Variants in CLIC4 observed in about 807,000 individuals in gnomAD.
The protein encoded by CLIC4 is CLIC family member 4.
CLIC4 carries 13 observed loss-of-function variants against 24.6 expected under a neutral mutation model. The observed-to-expected ratio is 0.53, with a 90% CI of 0.34 to 0.84. CLIC4 has a LOEUF of 0.84. CLIC4 is among the 40% of genes least tolerant of loss of function. CLIC4 has a pLI of 0.01. For synonymous variants in CLIC4, 104 were observed against 111.3 expected (o/e 0.93, Z 0.41); for missense variants, 227 against 301.7 (o/e 0.75, Z 1.83).
intron 2 of CLIC4, among the ~76,000 whole-genome samples, chr1:24,800,541 G>A (rs1639475705): frequency 6.6e-6 from 1 of 152,116 alleles, no homozygotes; most frequent in South Asian, 2.1e-4. Flanking sequence ...CCCTCTGCCT[G>A]GCCACCACCC....
At chr1:24,840,382 A>G (rs1318278891) in intron 5 of CLIC4, among the ~76,000 whole-genome samples, 1 of 152,234 alleles carries the variant, frequency 6.6e-6, no homozygotes, top group Non-Finnish European at 1.5e-5. Context: ...AAAAGTATTG[A>G]GCATTTATTA....
intron 2 of CLIC4, among the ~76,000 whole-genome samples, chr1:24,807,328 C>T (rs1307667344): frequency 6.6e-6 from 1 of 150,930 alleles, no homozygotes; most frequent in Non-Finnish European, 1.5e-5. Context: ...TTTGGTGCTG[C>T]AAAAGAAATA....
intron 1 of CLIC4, among the ~76,000 whole-genome samples, chr1:24,749,493 A>G (rs980530017): frequency 4.6e-5 from 7 of 152,176 alleles, no homozygotes; most frequent in Admixed American, 2.0e-4. Context: ...CTCAAATAGT[A>G]TGACTGAACT....
intron 1 of CLIC4, among the ~76,000 whole-genome samples, chr1:24,762,870 A>G (rs1230785634): frequency 6.6e-6 from 1 of 152,184 alleles, no homozygotes; most frequent in African/African-American, 2.4e-5. Flanking sequence ...GGGGATACAT[A>G]TGAAGGGAAG....
intron 1 of CLIC4, among the ~76,000 whole-genome samples, chr1:24,776,505 C>T (rs933865802): frequency 6.6e-6 from 1 of 152,128 alleles, no homozygotes; most frequent in Non-Finnish European, 1.5e-5. Context: ...AAGACTCAAA[C>T]TTATTTTTTT....
Position 24,840,920 on chromosome 1 carries a change from A to G in CLIC4, c.745A>G (p.Lys249Glu). The G allele has an allele frequency of 6.3e-7, 1 of 1,589,164 alleles. No homozygotes were observed. Among genetic ancestry groups the G allele is most frequent in the Non-Finnish European group, 8.5e-7 (1 of 1,170,550 alleles). The change falls in exon 6 of 6, where the codon AAA becomes GAA. Residue 249 changes from lysine (K) to glutamate (E), a missense_variant. Coordinates refer to ENST00000374379, the MANE Select transcript of CLIC4 (RefSeq NM_013943.3). ...EVEIAYSDVA[K>E]RLTK ...TGAAATAGCATATAGTGATGTAGCC[A>G]AAAGACTCACCAAGTAAAATCGCGT...
chr1:24,789,186 G>T (rs1639305393), intron 1 of CLIC4, among the ~76,000 whole-genome samples: 1 of 152,186 alleles, frequency 6.6e-6, no homozygotes, highest in Non-Finnish European at 1.5e-5. Context: ...GGCATCCAGT[G>T]AAGCCTTCAG....
At chr1:24,829,414 T>C (rs556666535) in intron 4 of CLIC4, among the ~76,000 whole-genome samples, 2 of 152,298 alleles carry the variant, frequency 1.3e-5, no homozygotes, top group South Asian at 2.1e-4. Context: ...TATAATTCTT[T>C]TGATAACACG....
chr1:24,760,412 C>T (rs1335361693), intron 1 of CLIC4, among the ~76,000 whole-genome samples: 1 of 152,046 alleles, frequency 6.6e-6, no homozygotes, highest in African/African-American at 2.4e-5. Flanking sequence ...ATCCTGCTTT[C>T]CCTAGTTGTT....
intron 2 of CLIC4, among the ~76,000 whole-genome samples, chr1:24,809,984 T>C (rs1639595830): frequency 6.6e-6 from 1 of 152,264 alleles, no homozygotes; most frequent in African/African-American, 2.4e-5. Flanking sequence ...AAGAATAGAA[T>C]AAACTTCTCC....
intron 2 of CLIC4, among the ~76,000 whole-genome samples, chr1:24,810,586 T>A (rs560708240): frequency 8.5e-5 from 13 of 152,230 alleles, no homozygotes; most frequent in South Asian, 6.2e-4. Context: ...CTAGGCAATA[T>A]GGTGAGATCC....
At chr1:24,774,927 T>C (rs1639115286) in intron 1 of CLIC4, among the ~76,000 whole-genome samples, 1 of 152,116 alleles carries the variant, frequency 6.6e-6, no homozygotes, top group Non-Finnish European at 1.5e-5. Context: ...AAAAATTAGC[T>C]GGATGTGGTG....
At chr1:24,791,172 A>G (rs770728387) in intron 1 of CLIC4, among the ~76,000 whole-genome samples, 4 of 152,196 alleles carry the variant, frequency 2.6e-5, no homozygotes, top group Non-Finnish European at 5.9e-5. Context: ...AGTATTTTTT[A>G]AAGGCATACT....
chr1:24,788,712 C>T (rs1431881499), intron 1 of CLIC4, among the ~76,000 whole-genome samples: 2 of 152,206 alleles, frequency 1.3e-5, no homozygotes, highest in East Asian at 1.9e-4. Context: ...TCTAATACTT[C>T]TGAGAGACTT....
rs764888181 is a variant in CLIC4 at position 24,819,439 on chromosome 1, CT to C, written c.308+5235del. Among the ~76,000 whole-genome samples, 414 of 143,482 alleles carry C rather than the reference CT, an allele frequency of 2.9e-3. 1 individual carries two copies. The highest frequency in any genetic ancestry group is 3.4e-3 in the East Asian group (17 of 4,960). 94.1% of individuals were successfully genotyped at this position (143,482 alleles called of 152,430 possible). On this transcript the variant is annotated intron_variant, in intron 3 of 5. Transcript: ENST00000374379. ...CATGAATTCAACTTAGTGGAAATAA[CT>C]TTTTTTTTTTTTTTGAGACGGAGTT...
intron 1 of CLIC4, among the ~76,000 whole-genome samples, chr1:24,762,729 AGTG>A (rs1379640652): frequency 6.6e-6 from 1 of 152,134 alleles, no homozygotes; most frequent in African/African-American, 2.4e-5. Context: ...TTGGTGGAGT[AGTG>A]GTGGTGGGAA....
rs55919812 is a variant in CLIC4 at position 24,808,554 on chromosome 1, C to T, written c.183-5540C>T. On this transcript the variant is annotated intron_variant, in intron 2 of 5. Coordinates refer to ENST00000374379, the MANE Select transcript of CLIC4 (RefSeq NM_013943.3). ...TTTTTGAGACAGGGTCTCATTCTGT[C>T]GCCCAGGCTGGAGTACAGTGTGTGA... Among the ~76,000 whole-genome samples the T allele has an allele frequency of 6.4e-3, 952 of 148,922 alleles. 7 individuals carry two copies. Among genetic ancestry groups the T allele is most frequent in the Non-Finnish European group, 8.3e-3 (556 of 67,050 alleles).
chr1:24,826,983 A>G (rs748742408), intron 3 of CLIC4, 27 bp from the exon 4 acceptor site: 3 of 1,490,306 alleles, frequency 2.0e-6, no homozygotes, highest in Non-Finnish European at 2.8e-6. Flanking sequence ...TGAAGGATCT[A>G]TAATCCATAT....
intron 1 of CLIC4, among the ~76,000 whole-genome samples, chr1:24,750,286 A>G (rs1490791582): frequency 3.3e-5 from 5 of 151,872 alleles, no homozygotes; most frequent in Non-Finnish European, 5.9e-5. Flanking sequence ...ATCATCCTCA[A>G]CAGTGGAGAT....
Sources: allele counts gnomAD v4.1 joint callset (sites outside exome capture counted in the v4.1 genomes callset), GRCh38; gene constraint gnomAD v4.1.1; transcripts MANE v1.5; gene names NCBI Gene and HGNC (gene_info 2026-07-23, HGNC 2026-07-21).